The following RORA variants were observed in gnomAD, a reference collection of about 807,000 sequenced individuals.
RORA encodes RAR related orphan receptor A.
RORA carries 7 observed loss-of-function variants against 69.5 expected under a neutral mutation model. The observed-to-expected ratio is 0.10, with a 90% CI of 0.06 to 0.19. The LOEUF is 0.19. Among genes scored for constraint, RORA ranks in the 10% least tolerant of loss-of-function variants. RORA has a pLI of 1.00. For synonymous variants in RORA, 261 were observed against 240.8 expected, an observed-to-expected ratio of 1.08 and a Z score of -0.78; for missense variants, 457 against 663.0, an observed-to-expected ratio of 0.69 and a Z score of 3.41.
intron 1 of RORA, among the ~76,000 whole-genome samples, chr15:60,681,225 A>C (rs74323494): frequency 0.019 from 2,853 of 152,328 alleles, 88 homozygotes; most frequent in South Asian, 0.073. Context: ...GAGGCTCAGG[A>C]AAGTTTAATT....
intron 1 of RORA, among the ~76,000 whole-genome samples, chr15:60,833,341 C>A (rs1320525767): frequency 1.3e-5 from 2 of 151,948 alleles, no homozygotes; most frequent in African/African-American, 2.4e-5. Flanking sequence ...TCAGCCTCCT[C>A]AGTAGCTGGG....
chr15:61,179,898 A>G, intron 1 of RORA, among the ~76,000 whole-genome samples: 1 of 152,046 alleles, frequency 6.6e-6, no homozygotes. Flanking sequence ...GCACTTTGGG[A>G]GGCCGAGGTG....
At chr15:60,763,558 A>G (rs1333864416) in intron 1 of RORA, among the ~76,000 whole-genome samples, 1 of 152,168 alleles carries the variant, frequency 6.6e-6, no homozygotes, top group Non-Finnish European at 1.5e-5. Flanking sequence ...AAGAGAACCC[A>G]GTCATTAAGG....
intron 2 of RORA, among the ~76,000 whole-genome samples, chr15:60,671,497 C>A (rs990849972): frequency 3.9e-4 from 59 of 152,144 alleles, no homozygotes; most frequent in African/African-American, 1.4e-3. Context: ...AGAAGGTTGG[C>A]TAGGCGCAGT....
intron 1 of RORA, among the ~76,000 whole-genome samples, chr15:61,067,788 A>T (rs1468827419): frequency 4.6e-5 from 7 of 152,172 alleles, no homozygotes; most frequent in Non-Finnish European, 7.3e-5. Flanking sequence ...CCTGCTCTAT[A>T]ATGTTCATCC....
chr15:60,818,013 A>G (rs1397783525), intron 1 of RORA, among the ~76,000 whole-genome samples: 1 of 152,186 alleles, frequency 6.6e-6, no homozygotes, highest in Non-Finnish European at 1.5e-5. Context: ...GTCACAGGTG[A>G]GTAATACGGA....
intron 1 of RORA, among the ~76,000 whole-genome samples, chr15:61,158,965 G>A (rs187194857): frequency 5.4e-4 from 83 of 152,312 alleles, no homozygotes; most frequent in African/African-American, 1.7e-3. Flanking sequence ...TCATGATGTG[G>A]TAGGATCTTT....
intron 1 of RORA, among the ~76,000 whole-genome samples, chr15:61,048,326 G>C (rs138530310): frequency 6.6e-5 from 10 of 152,124 alleles, no homozygotes; most frequent in African/African-American, 2.4e-4. Flanking sequence ...CCCAGGAAAC[G>C]AGACCTGAAC....
intron 1 of RORA, among the ~76,000 whole-genome samples, chr15:60,749,804 G>T (rs1385560910): frequency 6.6e-6 from 1 of 152,192 alleles, no homozygotes; most frequent in African/African-American, 2.4e-5. Context: ...GAGGCAGGAG[G>T]ATTGCTTGAG....
At chr15:61,162,991 G>A (rs1355422286) in intron 1 of RORA, among the ~76,000 whole-genome samples, 1 of 152,220 alleles carries the variant, frequency 6.6e-6, no homozygotes, top group Non-Finnish European at 1.5e-5. Context: ...TAAGGTGCAA[G>A]GACCTGATTT....
intron 1 of RORA, among the ~76,000 whole-genome samples, chr15:61,156,421 C>A (rs1391025685): frequency 1.3e-5 from 2 of 152,032 alleles, no homozygotes; most frequent in Non-Finnish European, 2.9e-5. Context: ...CCCCACAGGC[C>A]GGCACCCCTA....
At chr15:60,939,924 T>C (rs552158046) in intron 1 of RORA, among the ~76,000 whole-genome samples, 125 of 152,354 alleles carry the variant, frequency 8.2e-4, no homozygotes, top group African/African-American at 2.9e-3. Flanking sequence ...AAATATTGGA[T>C]ACTGCATTTT....
Position 60,511,497 on chromosome 15 carries a change from C to T in RORA, c.549G>A (p.Thr183=), listed in dbSNP as rs868368117. ...CGTTGGCCGAGATGTTGTAGGTGGG[C>T]GTCAGCGGCTCAGCCTCTCCAGGCT... is the stretch of plus-strand genomic sequence containing the variant. ...QQQPGEAEPL[T]PTYNISANGL... is the part of the protein sequence containing the mutation. The change falls in exon 5 of 11, where the codon ACG becomes ACA. Residue 183 remains threonine, a synonymous_variant. Coordinates refer to ENST00000335670, the MANE Select transcript of RORA (RefSeq NM_134261.3). The surrounding 1 kb of genome is among the most constrained non-coding windows in gnomAD (Gnocchi z 6.4). 13 of 1,614,124 alleles carry T rather than the reference C, an allele frequency of 8.1e-6. No homozygotes were observed. Among genetic ancestry groups the T allele is most frequent in the Middle Eastern group, 1.6e-4 (1 of 6,062 alleles).
chr15:60,737,966 T>A (rs531753815), intron 1 of RORA, among the ~76,000 whole-genome samples: 2 of 152,242 alleles, frequency 1.3e-5, no homozygotes, highest in Non-Finnish European at 2.9e-5. Context: ...CAAGTGCAAG[T>A]TAAGTGCGTA....
chr15:61,105,091 T>C (rs1244122073), intron 1 of RORA, among the ~76,000 whole-genome samples: 4 of 150,778 alleles, frequency 2.7e-5, no homozygotes, highest in Non-Finnish European at 5.9e-5. Context: ...GTCAGCAGCA[T>C]GAAAGTGGAC....
intron 2 of RORA, among the ~76,000 whole-genome samples, chr15:60,563,604 C>T (rs896314350): frequency 6.6e-6 from 1 of 152,138 alleles, no homozygotes; most frequent in Non-Finnish European, 1.5e-5. Context: ...GGGGATCTTA[C>T]CCACCTAAAA....
At chr15:60,809,045 T>A (rs2072704401) in intron 1 of RORA, among the ~76,000 whole-genome samples, 1 of 152,020 alleles carries the variant, frequency 6.6e-6, no homozygotes, top group Admixed American at 6.6e-5. Flanking sequence ...TGGCGACGGA[T>A]AAAAGACTAC....
intron 1 of RORA, among the ~76,000 whole-genome samples, chr15:61,002,139 C>G (rs1894765589): frequency 6.6e-6 from 1 of 152,218 alleles, no homozygotes; most frequent in South Asian, 2.1e-4. Context: ...GTCCACATGA[C>G]ATTAGTACCT....
chr15:60,499,295 G>A (rs1004909712), intron 10 of RORA, among the ~76,000 whole-genome samples: 1 of 152,188 alleles, frequency 6.6e-6, no homozygotes, highest in African/African-American at 2.4e-5. Flanking sequence ...TCTATGGGAG[G>A]TGGAGGAGGG....
Sources: allele counts gnomAD v4.1 joint callset (sites outside exome capture counted in the v4.1 genomes callset), GRCh38; gene constraint gnomAD v4.1.1; non-coding constraint Gnocchi (gnomAD v3.1); transcripts MANE v1.5; gene names NCBI Gene and HGNC (gene_info 2026-07-23, HGNC 2026-07-21).